Variants in THSD7A observed in about 807,000 individuals in gnomAD.
The protein encoded by THSD7A is thrombospondin type-1 domain-containing protein 7A.
THSD7A carries 96 observed loss-of-function variants against 231.3 expected under a neutral mutation model. That is an observed-to-expected ratio of 0.41 (90% CI 0.35 to 0.49). THSD7A has a LOEUF of 0.49. Ranked by LOEUF, THSD7A falls within the 20% of genes least tolerant of loss-of-function variation. The pLI, the probability that THSD7A is intolerant of heterozygous loss-of-function variation, is 0.05. For synonymous variants in THSD7A, 940 were observed against 743.3 expected (o/e 1.26, Z -4.30); for missense variants, 2,290 against 2,070.2 (o/e 1.11, Z -2.06).
At chr7:11,389,649 T>C (rs551799411) in intron 23 of THSD7A, among the ~76,000 whole-genome samples, 1 of 152,174 alleles carries the variant, frequency 6.6e-6, no homozygotes, top group African/African-American at 2.4e-5. Context: ...TATGTATGAA[T>C]ATGATCCTGT....
chr7:11,708,506 A>C (rs1584242950), intron 1 of THSD7A, among the ~76,000 whole-genome samples: 1 of 150,756 alleles, frequency 6.6e-6, no homozygotes, highest in Non-Finnish European at 1.5e-5. Flanking sequence ...TGAGAGAACA[A>C]AGTACAAGTC....
chr7:11,719,363 T>C (rs1014105878), intron 1 of THSD7A, among the ~76,000 whole-genome samples: 22 of 151,690 alleles, frequency 1.5e-4, no homozygotes, highest in African/African-American at 5.3e-4. Context: ...TTCTGATAGA[T>C]TTTCTATATT....
At chr7:11,515,571 C>T (rs1238752083) in intron 6 of THSD7A, among the ~76,000 whole-genome samples, 1 of 152,030 alleles carries the variant, frequency 6.6e-6, no homozygotes, top group Non-Finnish European at 1.5e-5. Flanking sequence ...GAAAATAACT[C>T]ATTGCATCTA....
chr7:11,577,039 G>A (rs1790942313), intron 4 of THSD7A, among the ~76,000 whole-genome samples: 1 of 152,164 alleles, frequency 6.6e-6, no homozygotes, highest in Non-Finnish European at 1.5e-5. Context: ...GTTTCAGTAT[G>A]TCTGAGAAAA....
At chr7:11,735,520 G>C (rs575206908) in intron 1 of THSD7A, among the ~76,000 whole-genome samples, 1 of 151,598 alleles carries the variant, frequency 6.6e-6, no homozygotes, top group African/African-American at 2.4e-5. Flanking sequence ...TAATTTTTAT[G>C]TTTAGACTTG....
At chr7:11,724,516 G>A (rs994372435) in intron 1 of THSD7A, among the ~76,000 whole-genome samples, 1 of 151,670 alleles carries the variant, frequency 6.6e-6, no homozygotes, top group Non-Finnish European at 1.5e-5. Flanking sequence ...TTAATGAAAA[G>A]AAAATAATAT....
intron 1 of THSD7A, among the ~76,000 whole-genome samples, chr7:11,801,002 C>T (rs1034475533): frequency 1.3e-5 from 2 of 152,094 alleles, no homozygotes; most frequent in Admixed American, 6.6e-5. Context: ...TGTCCAAACT[C>T]ATTAAGACAT....
intron 8 of THSD7A, among the ~76,000 whole-genome samples, chr7:11,470,468 G>C (rs756849703): frequency 6.6e-6 from 1 of 151,676 alleles, no homozygotes; most frequent in Non-Finnish European, 1.5e-5. Context: ...TAAATTTATA[G>C]TGGAGTATGT....
intron 1 of THSD7A, among the ~76,000 whole-genome samples, chr7:11,718,689 TATTA>T (rs2128151955): frequency 1.3e-5 from 2 of 151,708 alleles, no homozygotes; most frequent in South Asian, 4.1e-4. Context: ...CTGACCAAAT[TATTA>T]ATTGATAAGA....
At chr7:11,484,931 C>T (rs1786592844) in intron 6 of THSD7A, among the ~76,000 whole-genome samples, 1 of 125,182 alleles carries the variant, frequency 8.0e-6, no homozygotes, top group African/African-American at 3.1e-5. Context: ...CACTCTGTTG[C>T]CCAGGCTGCA....
chr7:11,677,584 C>CAAAAAAAAAAAAAAAA (rs553030554), intron 1 of THSD7A, among the ~76,000 whole-genome samples: 2 of 22,274 alleles, frequency 9.0e-5, no homozygotes, highest in African/African-American at 5.1e-4. Context: ...AAATGGAAAG[C>CAAAAAAAAAAAAAAAA]AAAAAAAAAA....
chr7:11,472,291 T>C (rs908415488), intron 8 of THSD7A, among the ~76,000 whole-genome samples: 1 of 152,116 alleles, frequency 6.6e-6, no homozygotes, highest in African/African-American at 2.4e-5. Flanking sequence ...ACAGATGTGA[T>C]AGGAACTGAA....
intron 1 of THSD7A, among the ~76,000 whole-genome samples, chr7:11,825,694 T>C (rs967137590): frequency 8.5e-5 from 13 of 152,104 alleles, no homozygotes; most frequent in African/African-American, 2.7e-4. Flanking sequence ...ATGCATCCCA[T>C]TAATCCATAT....
intron 4 of THSD7A, among the ~76,000 whole-genome samples, chr7:11,582,934 T>G (rs1291520584): frequency 6.6e-6 from 1 of 152,134 alleles, no homozygotes; most frequent in East Asian, 1.9e-4. Context: ...TGTGTTTTTT[T>G]TTACCACTTC....
chr7:11,794,610 A>T (rs1258077842), intron 1 of THSD7A, among the ~76,000 whole-genome samples: 1 of 151,972 alleles, frequency 6.6e-6, no homozygotes, highest in Non-Finnish European at 1.5e-5. Context: ...AGGGGTCTGT[A>T]CCAGTATTTA....
At position 11,668,857 on chromosome 7, in the gene THSD7A, TG is replaced by T. The variant is rs1783261394; in HGVS notation, c.191-31897del. Among the ~76,000 whole-genome samples, 5 of 152,192 alleles carry T rather than the reference TG, an allele frequency of 3.3e-5. No homozygotes were observed. The South Asian group carries it at 1.0e-3, about 32-fold the overall frequency. Reference sequence around the variant, plus strand: ...GCCAAAGAATGAGGCTGGGCGCTACTGGTTACTATATATAGGGTGTAGATAT... The same window carrying T: ...GCCAAAGAATGAGGCTGGGCGCTACTGTTACTATATATAGGGTGTAGATAT... On this transcript the variant is annotated intron_variant, in intron 1 of 27. Coordinates refer to ENST00000423059, the MANE Select transcript of THSD7A (RefSeq NM_015204.3).
At chr7:11,405,799 T>C (rs1476733496) in intron 22 of THSD7A, among the ~76,000 whole-genome samples, 4 of 152,206 alleles carry the variant, frequency 2.6e-5, no homozygotes, top group African/African-American at 4.8e-5. Context: ...TACTGAAGAC[T>C]TTACTAATTA....
chr7:11,565,302 A>T (rs113846840), intron 4 of THSD7A, among the ~76,000 whole-genome samples: 1 of 152,220 alleles, frequency 6.6e-6, no homozygotes, highest in Middle Eastern at 3.2e-3. Flanking sequence ...TTGAGTATCT[A>T]ATCAAAAAAG....
At chr7:11,461,933 T>C in intron 10 of THSD7A, 78 bp downstream of exon 10, 1 of 1,538,586 alleles carries the variant, frequency 6.5e-7, no homozygotes, top group Non-Finnish European at 8.8e-7. Flanking sequence ...GTTGACTTCC[T>C]TTCCTTATCC....
Sources: allele counts gnomAD v4.1 joint callset (sites outside exome capture counted in the v4.1 genomes callset), GRCh38; gene constraint gnomAD v4.1.1; transcripts MANE v1.5; gene names NCBI Gene and HGNC (gene_info 2026-07-23, HGNC 2026-07-21).